SIN3A: variants seen among roughly 807,000 people sequenced by gnomAD.
SIN3A encodes the protein paired amphipathic helix protein Sin3a.
SIN3A carries 14 observed loss-of-function variants against 146.1 expected under a neutral mutation model. The observed-to-expected ratio is 0.10, with a 90% CI of 0.06 to 0.15. SIN3A has a LOEUF of 0.15. Among genes scored for constraint, SIN3A ranks in the 10% least tolerant of loss-of-function variants. The probability of loss-of-function intolerance (pLI) is 1.00; values close to 1 mark genes in which losing one functional copy is unlikely to be tolerated. For synonymous variants in SIN3A, 572 were observed against 572.0 expected (o/e 1.00, Z 0.00); for missense variants, 1,028 against 1,576.0 (o/e 0.65, Z 5.89).
In SIN3A at chr15:75,428,465, C is replaced by T. The variant is rs546058456; in HGVS notation, c.189+1722G>A. ...GGTAGCTAGGACTACAGATGCACACCACTATGCCTGGCTAATTTTTTATTT... is the reference window on the plus strand; with the variant it reads ...GGTAGCTAGGACTACAGATGCACACTACTATGCCTGGCTAATTTTTTATTT... On this transcript the variant is annotated intron_variant, in intron 2 of 20. Coordinates refer to ENST00000394947, the MANE Select transcript of SIN3A (RefSeq NM_001145358.2). Among the ~76,000 whole-genome samples, 6 of 152,220 alleles carry T rather than the reference C, an allele frequency of 3.9e-5. No homozygotes were observed. In the East Asian group the frequency reaches 5.8e-4, roughly 15 times the overall value.
At chr15:75,433,581 G>A (rs769789170) in intron 1 of SIN3A, among the ~76,000 whole-genome samples, 8 of 152,018 alleles carry the variant, frequency 5.3e-5, no homozygotes, top group African/African-American at 7.3e-5. Context: ...TAGGCCGGGC[G>A]TGGTGGCTCA....
At chr15:75,414,138 T>C in intron 4 of SIN3A, 67 bp downstream of exon 4, 1 of 752,162 alleles carries the variant, frequency 1.3e-6, no homozygotes, top group Non-Finnish European at 2.0e-6. Context: ...GTAAATAAAC[T>C]ATATCCTCTT....
chr15:75,372,337 T>C (rs2072767768), intron 20 of SIN3A, 128 bp from the exon 21 acceptor site: 1 of 515,602 alleles, frequency 1.9e-6, no homozygotes, highest in Non-Finnish European at 3.3e-6. Context: ...GATACCACTG[T>C]TTTTTTCTTA....
Position 75,392,592 on chromosome 15 carries a change from A to C in SIN3A, c.2501T>G (p.Val834Gly). 1 of 1,614,076 alleles carries C rather than the reference A, an allele frequency of 6.2e-7. No homozygotes were observed. The highest frequency in any genetic ancestry group is 8.5e-7 in the Non-Finnish European group (1 of 1,180,014). Reference sequence around the variant, plus strand: ...CATCTCTTCTTCTTCCTCTTCCTCCACATCTGAGAGATCACCTCTTTGGGC... The same window carrying C: ...CATCTCTTCTTCTTCCTCTTCCTCCCCATCTGAGAGATCACCTCTTTGGGC... ...LFAQRGDLSDVEEEEEEEMDV... is the reference protein window; with the variant it reads ...LFAQRGDLSDGEEEEEEEMDV... The change falls in exon 15 of 21, where the codon GTG (valine) becomes GGG (glycine). Residue 834 changes from valine to glycine, a missense_variant. Transcript: ENST00000394947.
At chr15:75,447,466 G>T (rs1175357175) in intron 1 of SIN3A, among the ~76,000 whole-genome samples, 2 of 152,174 alleles carry the variant, frequency 1.3e-5, no homozygotes, top group Non-Finnish European at 2.9e-5. Context: ...GGTAGAGGGA[G>T]AGATCCCCGT....
chr15:75,406,708 A>T (rs79424572), intron 9 of SIN3A, among the ~76,000 whole-genome samples: 2 of 152,130 alleles, frequency 1.3e-5, no homozygotes, highest in African/African-American at 2.4e-5. Context: ...ATTACAAGTC[A>T]TCTTAAATCC....
chr15:75,451,447 C>T lies in SIN3A; in HGVS notation c.-58G>A, dbSNP rs2141651766. On this transcript the variant is annotated 5_prime_UTR_variant, in exon 1 of 21. Coordinates refer to ENST00000394947, the MANE Select transcript of SIN3A (RefSeq NM_001145358.2). ...CCGCAAAGCTGCTTCGGCCGCTCGT[C>T]ACTGCGTGTCCCTCTCAGCGTGAGC... 6.6e-6 allele frequency: 1 copy of T among 150,422 alleles called. No individual in the cohort carries two copies. Among genetic ancestry groups the T allele is most frequent in the South Asian group, 2.2e-4 (1 of 4,628 alleles). 9.3% of individuals were successfully genotyped at this position (150,422 alleles called of 1,614,324 possible). A position where few individuals can be genotyped will look rare whatever the true frequency, so the allele number is the denominator to read the frequency against.
At chr15:75,407,467 C>T (rs951545282) in intron 8 of SIN3A, among the ~76,000 whole-genome samples, 3 of 152,166 alleles carry the variant, frequency 2.0e-5, no homozygotes, top group African/African-American at 7.2e-5. Context: ...AAAGTAACTT[C>T]ATGTAGAATC....
intron 14 of SIN3A, among the ~76,000 whole-genome samples, chr15:75,394,274 C>CTATCT (rs2073262493): frequency 6.6e-6 from 1 of 152,192 alleles, no homozygotes; most frequent in African/African-American, 2.4e-5. Flanking sequence ...GCTCCTAGTA[C>CTATCT]TATTTATAGT....
intron 1 of SIN3A, among the ~76,000 whole-genome samples, chr15:75,445,520 G>A (rs1225920834): frequency 3.3e-5 from 5 of 150,982 alleles, no homozygotes; most frequent in African/African-American, 4.9e-5. Context: ...GTGCCAAGCC[G>A]AGATTGCACC....
chr15:75,450,036 T>A (rs1182093409), intron 1 of SIN3A, among the ~76,000 whole-genome samples: 3 of 152,094 alleles, frequency 2.0e-5, no homozygotes, highest in African/African-American at 7.2e-5. Context: ...TGCCTCGGCC[T>A]CCCAAAGTGC....
rs2073859007 is a variant in SIN3A at position 75,422,677 on chromosome 15, CACTGGTGCA to C, written c.327_335del (p.Ala110_Val112del). On this transcript the variant is annotated inframe_deletion, in exon 3 of 21. Coordinates refer to ENST00000394947, the MANE Select transcript of SIN3A (RefSeq NM_001145358.2). Reference sequence around the variant, plus strand: ...GCCTCTGAAATTGCTGCTGTCCCTGCACTGGTGCAACTGGTGGGGCTGGATGAGCATGAC... The same window carrying C: ...GCCTCTGAAATTGCTGCTGTCCCTGCACTGGTGGGGCTGGATGAGCATGAC... 6.2e-7 allele frequency: 1 copy of C among 1,614,116 alleles called. No individual in the cohort carries two copies.
upstream of SIN3A, among the ~76,000 whole-genome samples, chr15:75,455,223 C>T (rs944718918): frequency 1.3e-5 from 2 of 152,084 alleles, no homozygotes; most frequent in Admixed American, 1.3e-4. Context: ...CCAGGGAAGC[C>T]GCGGGCCCCG....
At chr15:75,454,157 T>A (rs1413442309), upstream of SIN3A, among the ~76,000 whole-genome samples, 1 of 130,738 alleles carries the variant, frequency 7.6e-6, no homozygotes, top group Non-Finnish European at 1.6e-5. Context: ...CCCTCCTCCC[T>A]CCGCGAAAAA....
Position 75,371,768 on chromosome 15 carries a change from TTCCAGCTTC to T in SIN3A, c.*202_*210del. On this transcript the variant is annotated 3_prime_UTR_variant, in exon 21 of 21. Coordinates refer to ENST00000394947, the MANE Select transcript of SIN3A (RefSeq NM_001145358.2). ...TATACCCAAAACCCTTTGGGAAAAG[TTCCAGCTTC>T]AGCTTTGTAAGGTATTCATGTTCCT... The T allele has an allele frequency of 1.8e-6, 1 of 556,104 alleles. No homozygotes were observed. The highest frequency in any genetic ancestry group is 3.2e-6 in the Non-Finnish European group (1 of 313,452). 34.4% of individuals were successfully genotyped at this position (556,104 alleles called of 1,614,324 possible). A position where few individuals can be genotyped will look rare whatever the true frequency, so the allele number is the denominator to read the frequency against.
chr15:75,393,871 G>A lies in SIN3A; in HGVS notation c.2277+809C>T, dbSNP rs375682044. Among the ~76,000 whole-genome samples the A allele has an allele frequency of 1.4e-4, 21 of 152,088 alleles. 1 individual carries two copies. Among genetic ancestry groups the A allele is most frequent in the Admixed American group, 1.0e-3 (16 of 15,260 alleles). On this transcript the variant is annotated intron_variant, in intron 14 of 20. Transcript: ENST00000394947. ...CACCCAGACTGGAGTGCAGTGGCATGTTCTCAGCTCACTGCATCCTCCACC... is the reference window on the plus strand; with the variant it reads ...CACCCAGACTGGAGTGCAGTGGCATATTCTCAGCTCACTGCATCCTCCACC...
intron 1 of SIN3A, among the ~76,000 whole-genome samples, chr15:75,443,066 T>A (rs2074244884): frequency 6.6e-6 from 1 of 151,956 alleles, no homozygotes; most frequent in Non-Finnish European, 1.5e-5. Context: ...GATCCTCCCA[T>A]CTCAGCCTCC....
chr15:75,453,849 T>C (rs2074446199), upstream of SIN3A: 1 of 152,262 alleles, frequency 6.6e-6, no homozygotes, highest in South Asian at 2.1e-4. Flanking sequence ...TGTAATCCCC[T>C]GGCTTCACCC....
intron 16 of SIN3A, among the ~76,000 whole-genome samples, chr15:75,385,416 C>T (rs2073059120): frequency 6.6e-6 from 1 of 152,206 alleles, no homozygotes; most frequent in African/African-American, 2.4e-5. Flanking sequence ...AGTTAACTCA[C>T]TTTCCATACA....
Sources: gnomAD v4.1 joint callset for allele counts (sites outside exome capture counted in the v4.1 genomes callset) on GRCh38, gnomAD v4.1.1 for gene constraint, MANE v1.5 for transcripts, NCBI Gene and HGNC (gene_info 2026-07-23, HGNC 2026-07-21) for gene names.